Variants in USH2A observed in about 807,000 individuals in gnomAD.
USH2A encodes the protein usherin.
Under a neutral mutation model 538.9 loss-of-function variants are expected in USH2A, and 443 were observed. That is an observed-to-expected ratio of 0.82 (90% CI 0.76 to 0.89). USH2A has a LOEUF of 0.89. Among genes scored for constraint, USH2A ranks in the 40% least tolerant of loss-of-function variants. USH2A has a pLI of 0.00. For synonymous variants in USH2A, 2,413 were observed against 2,273.5 expected (o/e 1.06, Z -1.75); for missense variants, 6,633 against 6,324.8 (o/e 1.05, Z -1.65).
At chr1:216,012,672 G>A (rs1281573952) in intron 32 of USH2A, among the ~76,000 whole-genome samples, 2 of 151,818 alleles carry the variant, frequency 1.3e-5, no homozygotes, top group African/African-American at 2.4e-5. Context: ...AAAGTAGAAC[G>A]GACTAAAGGT....
chr1:215,745,755 T>C (rs1233858444), intron 58 of USH2A, among the ~76,000 whole-genome samples: 2 of 152,260 alleles, frequency 1.3e-5, no homozygotes, highest in Non-Finnish European at 2.9e-5. Flanking sequence ...CTTATATCAA[T>C]ATACTTATGC....
rs781225236 is a variant in USH2A at position 215,743,128 on chromosome 1, G to T, written c.11548+49C>A. The T allele has an allele frequency of 1.9e-6, 3 of 1,592,388 alleles. No homozygotes were observed. The Admixed American group carries it at 5.1e-5, about 27-fold the overall frequency. On this transcript the variant is annotated intron_variant, in intron 59 of 71. Transcript: ENST00000307340. Reference sequence around the variant, plus strand: ...TTCCTTTTTAATGAAATTTTTTAATGAAATACTTTTTCATAAAAGCCCAGG... The same window carrying T: ...TTCCTTTTTAATGAAATTTTTTAATTAAATACTTTTTCATAAAAGCCCAGG...
intron 50 of USH2A, among the ~76,000 whole-genome samples, chr1:215,791,893 T>TAC (rs745488983): frequency 5.3e-5 from 8 of 152,154 alleles, no homozygotes; most frequent in Non-Finnish European, 8.8e-5. Context: ...TACATGAGTG[T>TAC]ACACACACAC....
chr1:216,108,839 T>C (rs2032798979), intron 21 of USH2A, among the ~76,000 whole-genome samples: 1 of 152,184 alleles, frequency 6.6e-6, no homozygotes, highest in Non-Finnish European at 1.5e-5. Flanking sequence ...AAATATTTTA[T>C]CTTTTCATCC....
intron 40 of USH2A, among the ~76,000 whole-genome samples, chr1:215,891,407 G>A (rs1271096602): frequency 6.6e-6 from 1 of 151,994 alleles, no homozygotes; most frequent in East Asian, 1.9e-4. Context: ...CTGACTCCTG[G>A]CACTCTTTCA....
chr1:216,333,070 A>T (rs544317989), intron 4 of USH2A, among the ~76,000 whole-genome samples: 7 of 152,234 alleles, frequency 4.6e-5, no homozygotes, highest in Admixed American at 2.0e-4. Context: ...AACTAAAAAC[A>T]AAACAAAACA....
chr1:216,229,553 G>A (rs1322063236), intron 14 of USH2A, among the ~76,000 whole-genome samples: 3 of 152,084 alleles, frequency 2.0e-5, no homozygotes, highest in African/African-American at 2.4e-5. Flanking sequence ...GGACTCAAGG[G>A]ATCTGGTCAC....
At chr1:215,799,239 A>G in intron 49 of USH2A, 114 bp from the exon 50 acceptor site, 1 of 1,238,948 alleles carries the variant, frequency 8.1e-7, no homozygotes. Context: ...CAGAATTACT[A>G]AAGAGAATAA....
intron 37 of USH2A, among the ~76,000 whole-genome samples, chr1:215,946,124 T>G (rs1486886205): frequency 6.6e-6 from 1 of 152,182 alleles, no homozygotes; most frequent in Non-Finnish European, 1.5e-5. Context: ...TATGACATAC[T>G]TTTAGCTTTC....
intron 3 of USH2A, among the ~76,000 whole-genome samples, chr1:216,376,657 G>A (rs1435261334): frequency 6.6e-6 from 1 of 152,086 alleles, no homozygotes; most frequent in Non-Finnish European, 1.5e-5. Flanking sequence ...GAAAATAGTG[G>A]TCATTGGATT....
intron 21 of USH2A, among the ~76,000 whole-genome samples, chr1:216,148,205 G>C (rs898766343): frequency 6.6e-6 from 1 of 151,506 alleles, no homozygotes; most frequent in Non-Finnish European, 1.5e-5. Context: ...TGATGGCCAG[G>C]CTTCTAAACC....
chr1:215,711,503 C>T (rs1219165232), intron 61 of USH2A, among the ~76,000 whole-genome samples: 1 of 152,154 alleles, frequency 6.6e-6, no homozygotes, highest in African/African-American at 2.4e-5. Context: ...CAAAGAGAAT[C>T]TTTCCATTTT....
At chr1:215,728,864 T>C (rs1261778210) in intron 60 of USH2A, among the ~76,000 whole-genome samples, 1 of 152,102 alleles carries the variant, frequency 6.6e-6, no homozygotes, top group Non-Finnish European at 1.5e-5. Context: ...TATGTGTCTG[T>C]GTGTGTGTGC....
intron 9 of USH2A, among the ~76,000 whole-genome samples, chr1:216,317,942 C>T (rs1040862712): frequency 1.3e-5 from 2 of 152,030 alleles, no homozygotes; most frequent in African/African-American, 2.4e-5. Flanking sequence ...ACTGTTTAAA[C>T]ACTGTTTCTA....
In USH2A at chr1:215,867,136, T is replaced by C. The variant is rs1428006933; in HGVS notation, c.8716A>G (p.Asn2906Asp). Residue 2906 changes from asparagine to aspartate, a missense_variant, in exon 44 of 72, where the codon AAC (asparagine) becomes GAC (aspartate). Asn to Asp is a conservative substitution (Grantham distance 23). Transcript: ENST00000307340. ...TTYEYMLFVH[N>D]SVGFTPSREV... ...CGGCTCGGTGTAAAACCCACACTGT[T>C]GTGTACGAAGAGCATATATTCATAG... 1 of 1,614,120 alleles carries C rather than the reference T, an allele frequency of 6.2e-7. No homozygotes were observed.
At chr1:215,715,473 T>G (rs1179609222) in intron 61 of USH2A, among the ~76,000 whole-genome samples, 1 of 152,192 alleles carries the variant, frequency 6.6e-6, no homozygotes, top group Non-Finnish European at 1.5e-5. Flanking sequence ...TTAGTCTCAC[T>G]ATGGGTTGTG....
In USH2A at chr1:215,624,533, T is replaced by G. The variant is rs1342649534; in HGVS notation, c.*1248A>C. The G allele has an allele frequency of 1.3e-5, 2 of 152,202 alleles. No individual in the cohort carries two copies. Among genetic ancestry groups the G allele is most frequent in the Non-Finnish European group, 2.9e-5 (2 of 68,020 alleles). The allele number at this position is 152,202 out of a possible 1,614,324, so 9.4% of individuals were successfully genotyped here. A position where few individuals can be genotyped will look rare whatever the true frequency, so the allele number is the denominator to read the frequency against. On this transcript the variant is annotated 3_prime_UTR_variant, in exon 72 of 72. Transcript: ENST00000307340. ...AAGGATGAAGGAAGACAAGAGGTTT[T>G]CTTACTCTGTTTTCCATGAAGAACA...
intron 3 of USH2A, among the ~76,000 whole-genome samples, chr1:216,382,609 T>G (rs1238596069): frequency 1.3e-5 from 2 of 152,158 alleles, no homozygotes; most frequent in Non-Finnish European, 2.9e-5. Context: ...AATTTAGAAA[T>G]TACAGGTTTT....
chr1:215,904,282 G>T (rs1665576215), intron 38 of USH2A, among the ~76,000 whole-genome samples: 2 of 152,048 alleles, frequency 1.3e-5, no homozygotes, highest in South Asian at 4.1e-4. Context: ...ACAGTAGGAA[G>T]AAGTGCCCCA....
Sources: gnomAD v4.1 joint callset for allele counts (sites outside exome capture counted in the v4.1 genomes callset) on GRCh38, gnomAD v4.1.1 for gene constraint, MANE v1.5 for transcripts, NCBI Gene and HGNC (gene_info 2026-07-23, HGNC 2026-07-21) for gene names.